Variants in THSD7A observed in about 807,000 individuals in gnomAD.
THSD7A encodes thrombospondin type 1 domain containing 7A.
Under a neutral mutation model 231.3 loss-of-function variants are expected in THSD7A, and 96 were observed. That is an observed-to-expected ratio of 0.41 (90% confidence interval 0.35 to 0.49). The LOEUF (loss-of-function observed/expected upper bound fraction) is 0.49. THSD7A is among the 20% of genes least tolerant of loss of function. THSD7A has a pLI of 0.05. For synonymous variants in THSD7A, 940 were observed against 743.3 expected (o/e 1.26, Z -4.30); for missense variants, 2,290 against 2,070.2 (o/e 1.11, Z -2.06).
chr7:11,456,553 A>G lies in THSD7A; in HGVS notation c.2605+4109T>C, dbSNP rs911516777. ...AGGGATTTTCTGATCCTATTGGGTAATGACTATTCAGTATTATTAGAAGTT... is the reference window on the plus strand; with the variant it reads ...AGGGATTTTCTGATCCTATTGGGTAGTGACTATTCAGTATTATTAGAAGTT... On this transcript the variant is annotated intron_variant, in intron 11 of 27. Transcript: ENST00000423059. Among the ~76,000 whole-genome samples the G allele has an allele frequency of 5.9e-5, 9 of 152,136 alleles. No individual in the cohort carries two copies. In the South Asian group the frequency reaches 1.7e-3, roughly 28 times the overall value.
At chr7:11,647,647 C>G (rs1191416947) in intron 1 of THSD7A, among the ~76,000 whole-genome samples, 1 of 151,980 alleles carries the variant, frequency 6.6e-6, no homozygotes, top group Non-Finnish European at 1.5e-5. Context: ...ACCAAGAAAC[C>G]AGGCATCTGC....
At chr7:11,733,443 T>G (rs539001187) in intron 1 of THSD7A, among the ~76,000 whole-genome samples, 23 of 151,944 alleles carry the variant, frequency 1.5e-4, no homozygotes, top group Non-Finnish European at 2.8e-4. Flanking sequence ...ATAAGATATA[T>G]GGGTTCAAAA....
At chr7:11,740,307 T>G (rs1296000649) in intron 1 of THSD7A, among the ~76,000 whole-genome samples, 2 of 151,958 alleles carry the variant, frequency 1.3e-5, no homozygotes, top group African/African-American at 4.8e-5. Context: ...TGAGCATATC[T>G]GACGAGGTAC....
At chr7:11,780,607 C>T (rs1236359349) in intron 1 of THSD7A, among the ~76,000 whole-genome samples, 2 of 152,096 alleles carry the variant, frequency 1.3e-5, no homozygotes, top group Admixed American at 6.5e-5. Context: ...TGACTATAGC[C>T]CCATCTAGGC....
At chr7:11,543,803 GT>G (rs1447448963) in intron 4 of THSD7A, among the ~76,000 whole-genome samples, 2 of 149,588 alleles carry the variant, frequency 1.3e-5, no homozygotes, top group East Asian at 3.9e-4. Flanking sequence ...AATGTTGCTT[GT>G]CCTTGTTTTT....
chr7:11,552,954 G>A (rs944463352), intron 4 of THSD7A, among the ~76,000 whole-genome samples: 1 of 151,996 alleles, frequency 6.6e-6, no homozygotes, highest in African/African-American at 2.4e-5. Flanking sequence ...GGTCTTTTCT[G>A]CTCAGACACC....
chr7:11,662,830 G>C (rs1782980807), intron 1 of THSD7A, among the ~76,000 whole-genome samples: 2 of 151,112 alleles, frequency 1.3e-5, no homozygotes, highest in African/African-American at 4.8e-5. Context: ...GATCAAAGAA[G>C]GAGTCACAAC....
In THSD7A at chr7:11,390,455, G is replaced by C. The variant is rs565048597; in HGVS notation, c.4412-7839C>G. On this transcript the variant is annotated intron_variant, in intron 23 of 27. Coordinates refer to ENST00000423059, the MANE Select transcript of THSD7A (RefSeq NM_015204.3). ...TGAGCTGTGTTTTTCAGCTCCATCAGGTCATTTATGTTGTTATCTAAACTG... is the reference window on the plus strand; with the variant it reads ...TGAGCTGTGTTTTTCAGCTCCATCACGTCATTTATGTTGTTATCTAAACTG... Among the ~76,000 whole-genome samples, 195 of 152,204 alleles carry C rather than the reference G, an allele frequency of 1.3e-3. 1 individual carries two copies. Among genetic ancestry groups the C allele is most frequent in the Middle Eastern group, 0.01 (3 of 294 alleles).
intron 1 of THSD7A, among the ~76,000 whole-genome samples, chr7:11,648,310 C>G (rs755728839): frequency 1.3e-5 from 2 of 151,976 alleles, no homozygotes; most frequent in Non-Finnish European, 2.9e-5. Context: ...GCCTATTAAG[C>G]CTGAAGTTTT....
chr7:11,567,464 G>A (rs910280026), intron 4 of THSD7A, among the ~76,000 whole-genome samples: 20 of 152,144 alleles, frequency 1.3e-4, no homozygotes, highest in Non-Finnish European at 2.8e-4. Flanking sequence ...TGAGATTTAG[G>A]TGGGGACACG....
At chr7:11,472,175 G>A (rs937764510) in intron 8 of THSD7A, among the ~76,000 whole-genome samples, 1 of 152,094 alleles carries the variant, frequency 6.6e-6, no homozygotes, top group African/African-American at 2.4e-5. Context: ...AAGGCAATTG[G>A]TTCAGTCAGC....
At chr7:11,698,346 A>G (rs1014749475) in intron 1 of THSD7A, among the ~76,000 whole-genome samples, 2 of 151,280 alleles carry the variant, frequency 1.3e-5, no homozygotes, top group Admixed American at 1.3e-4. Context: ...CATTCTTTCA[A>G]ATTGCATGAG....
chr7:11,813,139 T>C (rs910277363), intron 1 of THSD7A, among the ~76,000 whole-genome samples: 6 of 152,178 alleles, frequency 3.9e-5, no homozygotes, highest in Non-Finnish European at 7.4e-5. Context: ...AAGTGATAAG[T>C]CATGAGAGCT....
intron 1 of THSD7A, among the ~76,000 whole-genome samples, chr7:11,764,633 A>G (rs2128169382): frequency 6.6e-6 from 1 of 152,072 alleles, no homozygotes; most frequent in East Asian, 1.9e-4. Flanking sequence ...GTTTCTCATG[A>G]AAGCATAATC....
At chr7:11,470,988 A>G (rs1194351301) in intron 8 of THSD7A, among the ~76,000 whole-genome samples, 1 of 151,950 alleles carries the variant, frequency 6.6e-6, no homozygotes, top group East Asian at 1.9e-4. Context: ...ACTTGAGCTT[A>G]GCCAAAAGGC....
At chr7:11,824,289 C>G (rs1206519338) in intron 1 of THSD7A, among the ~76,000 whole-genome samples, 1 of 152,008 alleles carries the variant, frequency 6.6e-6, no homozygotes, top group Non-Finnish European at 1.5e-5. Flanking sequence ...CACTGAGGGA[C>G]TTCCAATACT....
At chr7:11,772,908 A>G (rs905855958) in intron 1 of THSD7A, among the ~76,000 whole-genome samples, 5 of 152,216 alleles carry the variant, frequency 3.3e-5, no homozygotes, top group African/African-American at 1.2e-4. Flanking sequence ...AAAATCCAAC[A>G]ACAGTCAAGA....
intron 1 of THSD7A, among the ~76,000 whole-genome samples, chr7:11,686,158 G>C (rs927473197): frequency 1.1e-4 from 16 of 151,802 alleles, no homozygotes; most frequent in African/African-American, 3.9e-4. Flanking sequence ...CATAAAGATG[G>C]GAACAATAGA....
At chr7:11,587,362 C>T (rs1779952842) in intron 4 of THSD7A, among the ~76,000 whole-genome samples, 1 of 152,128 alleles carries the variant, frequency 6.6e-6, no homozygotes, top group Non-Finnish European at 1.5e-5. Flanking sequence ...CTTGTCAAGC[C>T]TTTCTTCTAC....
Sources: gnomAD v4.1 joint callset for allele counts (sites outside exome capture counted in the v4.1 genomes callset) on GRCh38, gnomAD v4.1.1 for gene constraint, MANE v1.5 for transcripts, NCBI Gene and HGNC (gene_info 2026-07-23, HGNC 2026-07-21) for gene names.